Variants in FAM149A observed in about 807,000 individuals in gnomAD.
FAM149A encodes the protein protein FAM149A.
A neutral mutation model predicts 78.2 loss-of-function variants in FAM149A; 71 were observed. That is an observed-to-expected ratio of 0.91 (90% CI 0.75 to 1.11). The LOEUF (loss-of-function observed/expected upper bound fraction) is 1.11, where lower values mean the gene tolerates loss of function less well. Among genes scored for constraint, FAM149A ranks in the 50% least tolerant of loss-of-function variants. FAM149A has a pLI of 0.00. For missense variants in FAM149A, 1,036 were observed against 971.0 expected (o/e 1.07, Z -0.89); for synonymous variants, 446 against 410.5 (o/e 1.09, Z -1.04).
Position 186,164,463 on chromosome 4 carries a change from A to T in FAM149A, c.1889+830A>T, listed in dbSNP as rs930033708. ...CGAGCTCAGGAGCGGGCGGCTGCCA[A>T]CGCTTACCTGGCACCCAGACTTTTT... On this transcript the variant is annotated intron_variant, in intron 10 of 13. Coordinates refer to ENST00000389354, the MANE Select transcript of FAM149A (RefSeq NM_001367768.3). The surrounding 1 kb of genome is among the most constrained non-coding windows in gnomAD (Gnocchi z 4.0). 1.5e-5 allele frequency: 15 copies of T among 985,280 alleles called. No homozygotes were observed. Among genetic ancestry groups the T allele is most frequent in the South Asian group, 1.4e-4 (3 of 21,292 alleles). The allele number at this position is 985,280 out of a possible 1,614,324, so 61.0% of individuals were successfully genotyped here.
intron 1 of FAM149A, among the ~76,000 whole-genome samples, chr4:186,136,234 T>C (rs2099322631): frequency 6.6e-6 from 1 of 152,206 alleles, no homozygotes; most frequent in Admixed American, 6.5e-5. Context: ...GGATAGTTAT[T>C]TTTATGTTGA....
At position 186,127,967 on chromosome 4, in the gene FAM149A, C is replaced by T. The variant is rs542674733; in HGVS notation, c.567-21206C>T. 9.9e-4 allele frequency among the ~76,000 whole-genome samples: 142 copies of T among 143,578 alleles called. 1 individual carries two copies. Among genetic ancestry groups the T allele is most frequent in the African/African-American group, 3.7e-3 (142 of 38,264 alleles). The allele number at this position is 143,578 out of a possible 152,430, so 94.2% of individuals were successfully genotyped here. On this transcript the variant is annotated intron_variant, in intron 1 of 13. Coordinates refer to ENST00000389354, the MANE Select transcript of FAM149A (RefSeq NM_001367768.3). ...CTTCCCAAAGTGTTGGGATTACAGG[C>T]ATGAGCCACCATGCCCGGCCTTTTT...
intron 8 of FAM149A, chr4:186,158,261 G>C (rs1344134142): frequency 8.1e-6 from 10 of 1,237,640 alleles, no homozygotes; most frequent in African/African-American, 3.1e-5. Flanking sequence ...ATGTCTGCTG[G>C]TCCCAGGCGA....
chr4:186,106,071 T>C (rs2099308646), intron 1 of FAM149A, among the ~76,000 whole-genome samples: 1 of 152,214 alleles, frequency 6.6e-6, no homozygotes, highest in African/African-American at 2.4e-5. Context: ...GCTTTCCTAA[T>C]GTCTAAGGAC....
chr4:186,125,960 G>A, intron 1 of FAM149A: 16 of 985,350 alleles, frequency 1.6e-5, no homozygotes, highest in Non-Finnish European at 1.8e-5. Flanking sequence ...TTCTCCAGCT[G>A]CCCGGAGGCT....
chr4:186,145,321 T>A (rs1732947459), intron 1 of FAM149A, among the ~76,000 whole-genome samples: 5 of 151,978 alleles, frequency 3.3e-5, no homozygotes, highest in Admixed American at 3.3e-4. Flanking sequence ...TGGGACTTGC[T>A]GGTGTTGGGT....
At position 186,172,246 on chromosome 4, in the gene FAM149A, T is replaced by C; in HGVS notation, c.*259T>C. ...TTGTTCAGAAGCCCCTGATGTGTGT[T>C]TGCAGTCCGTCATTTTATCAATGAT... On this transcript the variant is annotated 3_prime_UTR_variant, in exon 14 of 14. Transcript: ENST00000389354. The C allele has an allele frequency of 2.6e-6, 1 of 388,808 alleles. No individual in the cohort carries two copies. Among genetic ancestry groups the C allele is most frequent in the Admixed American group, 4.5e-5 (1 of 22,014 alleles). 24.1% of individuals were successfully genotyped at this position (388,808 alleles called of 1,614,324 possible). A position where few individuals can be genotyped will look rare whatever the true frequency, so the allele number is the denominator to read the frequency against.
intron 1 of FAM149A, among the ~76,000 whole-genome samples, chr4:186,126,380 CGTT>C (rs1220906441): frequency 6.6e-6 from 1 of 152,132 alleles, no homozygotes; most frequent in East Asian, 1.9e-4. Context: ...GCTGATAAAA[CGTT>C]GTTTTTGGAT....
chr4:186,166,085 G>T (rs908231653), intron 11 of FAM149A, among the ~76,000 whole-genome samples: 2 of 152,198 alleles, frequency 1.3e-5, no homozygotes, highest in Non-Finnish European at 2.9e-5. Flanking sequence ...AGGTCTGCGG[G>T]GGGTGTGCTG....
chr4:186,118,330 AC>A, intron 1 of FAM149A: 1 of 699,294 alleles, frequency 1.4e-6, no homozygotes, highest in Non-Finnish European at 1.8e-6. Flanking sequence ...GCTTGCAGTT[AC>A]CAGGTAGCTA....
At chr4:186,125,235 A>G (rs1005652388) in intron 1 of FAM149A, 3 of 984,544 alleles carry the variant, frequency 3.0e-6, no homozygotes, top group Non-Finnish European at 3.6e-6. Flanking sequence ...CTTTTTCTCT[A>G]AGTAATGATG....
chr4:186,139,031 C>G (rs1026812948), intron 1 of FAM149A, among the ~76,000 whole-genome samples: 5 of 152,180 alleles, frequency 3.3e-5, no homozygotes, highest in African/African-American at 1.2e-4. Context: ...TTGTTTATTT[C>G]TATCAATATG....
chr4:186,145,133 G>T, intron 1 of FAM149A: 1 of 985,674 alleles, frequency 1.0e-6, no homozygotes, highest in Non-Finnish European at 1.2e-6. Context: ...TCCGGCAGCA[G>T]GGCTCGCCTT....
Position 186,112,333 on chromosome 4 carries a change from C to T in FAM149A, c.566+6691C>T, listed in dbSNP as rs1212509986. 3.0e-3 allele frequency among the ~76,000 whole-genome samples: 437 copies of T among 144,670 alleles called. 5 individuals are homozygous for T. Among genetic ancestry groups the T allele is most frequent in the African/African-American group, 0.01 (406 of 38,994 alleles). 94.9% of individuals were successfully genotyped at this position (144,670 alleles called of 152,430 possible). On this transcript the variant is annotated intron_variant, in intron 1 of 13. Transcript: ENST00000389354. ...GGGTTTTCTAGATATACAATCATGT[C>T]GTCTGCAAACAGGGACAATTTGACT...
intron 9 of FAM149A, among the ~76,000 whole-genome samples, chr4:186,163,181 T>TTAA (rs1295211745): frequency 6.6e-6 from 1 of 152,210 alleles, no homozygotes; most frequent in East Asian, 1.9e-4. Flanking sequence ...AGTCCTGAAA[T>TTAA]TCTTAATCTT....
chr4:186,112,273 T>C (rs2099311624), intron 1 of FAM149A, among the ~76,000 whole-genome samples: 1 of 150,914 alleles, frequency 6.6e-6, no homozygotes, highest in African/African-American at 2.5e-5. Context: ...CTGAAGTTGC[T>C]TATCAGCTTA....
At chr4:186,163,245 G>T (rs1391460320) in intron 9 of FAM149A, among the ~76,000 whole-genome samples, 179 bp from the exon 10 acceptor site, 2 of 152,192 alleles carry the variant, frequency 1.3e-5, no homozygotes, top group Non-Finnish European at 2.9e-5. Flanking sequence ...TCTGCCTGTG[G>T]ATGATTCTTC....
intron 1 of FAM149A, chr4:186,116,736 A>G: frequency 1.0e-6 from 1 of 978,632 alleles, no homozygotes; most frequent in Non-Finnish European, 1.2e-6. Context: ...TAGCTGGGAT[A>G]TATTTAAATC....
At chr4:186,160,410 C>T (rs935380472) in intron 8 of FAM149A, among the ~76,000 whole-genome samples, 1 of 144,314 alleles carries the variant, frequency 6.9e-6, no homozygotes, top group African/African-American at 2.6e-5. Flanking sequence ...TGCACACACC[C>T]CCCACATAAA....
Sources: allele counts gnomAD v4.1 joint callset (sites outside exome capture counted in the v4.1 genomes callset), GRCh38; gene constraint gnomAD v4.1.1; non-coding constraint Gnocchi (gnomAD v3.1); transcripts MANE v1.5; gene names NCBI Gene and HGNC (gene_info 2026-07-23, HGNC 2026-07-21).